The following BTAF1 variants were observed in gnomAD, a reference collection of about 807,000 sequenced individuals.
The protein encoded by BTAF1 is TATA-binding protein-associated factor 172.
A neutral mutation model predicts 227.1 loss-of-function variants in BTAF1; 38 were observed. The ratio of observed to expected loss-of-function variants is 0.17; its 90% CI spans 0.13 to 0.22. The LOEUF (loss-of-function observed/expected upper bound fraction) is 0.22, where lower values mean the gene tolerates loss of function less well. BTAF1 is among the 10% of genes least tolerant of loss of function. The probability of loss-of-function intolerance (pLI) is 1.00; values close to 1 mark genes in which losing one functional copy is unlikely to be tolerated. For synonymous variants in BTAF1, 742 were observed against 751.9 expected (o/e 0.99, Z 0.21); for missense variants, 1,598 against 2,204.0 (o/e 0.73, Z 5.51).
intron 6 of BTAF1, among the ~76,000 whole-genome samples, chr10:91,955,479 C>T (rs1170179328): frequency 1.3e-5 from 2 of 151,632 alleles, no homozygotes; most frequent in East Asian, 1.9e-4. Flanking sequence ...TAATGTTAAG[C>T]GTTAAGGAAA....
At chr10:91,997,153 C>T in intron 24 of BTAF1, 1 of 1,288,958 alleles carries the variant, frequency 7.8e-7, no homozygotes, top group Non-Finnish European at 1.0e-6. Context: ...CTGAAGATTA[C>T]AGGAGAACTG....
chr10:91,983,783 T>C (rs1321571982), intron 18 of BTAF1, among the ~76,000 whole-genome samples: 1 of 152,216 alleles, frequency 6.6e-6, no homozygotes, highest in Non-Finnish European at 1.5e-5. Context: ...CTTTTAAAAT[T>C]TATATCCACT....
At chr10:91,939,050 T>A (rs1844831403) in intron 2 of BTAF1, among the ~76,000 whole-genome samples, 1 of 152,068 alleles carries the variant, frequency 6.6e-6, no homozygotes, top group African/African-American at 2.4e-5. Context: ...AGTATATTAC[T>A]GTTGTAACAA....
chr10:91,932,123 T>C (rs1173495888), intron 1 of BTAF1, among the ~76,000 whole-genome samples: 1 of 152,104 alleles, frequency 6.6e-6, no homozygotes, highest in African/African-American at 2.4e-5. Flanking sequence ...TATCAGCAAT[T>C]AGGTTAGAGA....
chr10:91,929,189 T>C (rs1366670464), intron 1 of BTAF1, among the ~76,000 whole-genome samples: 3 of 152,196 alleles, frequency 2.0e-5, no homozygotes, highest in Non-Finnish European at 4.4e-5. Context: ...ACAGCTTGTT[T>C]TTGCTACCTT....
intron 4 of BTAF1, among the ~76,000 whole-genome samples, chr10:91,945,434 C>A (rs992237779): frequency 6.6e-6 from 1 of 152,056 alleles, no homozygotes; most frequent in Non-Finnish European, 1.5e-5. Flanking sequence ...ACCTATTAAA[C>A]GTCAAATCCC....
chr10:91,969,735 G>A (rs955384386), intron 14 of BTAF1, among the ~76,000 whole-genome samples: 3 of 152,052 alleles, frequency 2.0e-5, no homozygotes, highest in Non-Finnish European at 2.9e-5. Context: ...AGGCTGAGGC[G>A]GGCGGATCAC....
At chr10:92,024,407 G>C (rs758009346) in intron 34 of BTAF1, among the ~76,000 whole-genome samples, 1 of 152,118 alleles carries the variant, frequency 6.6e-6, no homozygotes, top group Non-Finnish European at 1.5e-5. Context: ...CTTCTGGGCC[G>C]GGTGTGGTGG....
chr10:91,980,286 G>A (rs1847974120), intron 14 of BTAF1, among the ~76,000 whole-genome samples, 168 bp from the exon 15 acceptor site: 1 of 152,102 alleles, frequency 6.6e-6, no homozygotes, highest in Admixed American at 6.5e-5. Context: ...AATAAATATG[G>A]TGTTGTTGCC....
intron 2 of BTAF1, among the ~76,000 whole-genome samples, chr10:91,937,338 A>G (rs888179448): frequency 6.6e-6 from 1 of 152,064 alleles, no homozygotes; most frequent in African/African-American, 2.4e-5. Flanking sequence ...TTTACATACC[A>G]TGAGTTTCAA....
In BTAF1 at chr10:91,982,683, C is replaced by G. The variant is rs1042441499; in HGVS notation, c.2145C>G (p.Leu715=). Reference sequence around the variant, plus strand: ...CTGAATCCCTGGGCCAGTTACTACTCTTCCATTTGAACTCCAAGTCTGCTT... The same window carrying G: ...CTGAATCCCTGGGCCAGTTACTACTGTTCCATTTGAACTCCAAGTCTGCTT... ...KPAESLGQLL[L]FHLNSKSALQ... The change falls in exon 18 of 38, where the codon CTC becomes CTG. Residue 715 remains leucine (L), a synonymous_variant. Transcript: ENST00000265990. 2 of 1,613,912 alleles carry G rather than the reference C, an allele frequency of 1.2e-6. No individual in the cohort carries two copies. The highest frequency in any genetic ancestry group is 1.3e-5 in the African/African-American group (1 of 75,028).
At chr10:91,970,810 G>A (rs903295798) in intron 14 of BTAF1, among the ~76,000 whole-genome samples, 5 of 152,224 alleles carry the variant, frequency 3.3e-5, no homozygotes, top group African/African-American at 7.2e-5. Flanking sequence ...GTATGTGAGA[G>A]ATGTCAGACA....
chr10:91,947,735 C>CAAAAAA (rs34292341), intron 4 of BTAF1, among the ~76,000 whole-genome samples: 1 of 107,382 alleles, frequency 9.3e-6, no homozygotes, highest in Non-Finnish European at 1.7e-5. Context: ...TCAATGTTTG[C>CAAAAAA]AAAAAAAAAA....
chr10:92,021,427 G>A (rs79654880), intron 34 of BTAF1, among the ~76,000 whole-genome samples: 2 of 152,248 alleles, frequency 1.3e-5, no homozygotes, highest in East Asian at 3.9e-4. Flanking sequence ...TTAGTTGCCA[G>A]TAAATAAAAC....
chr10:91,966,721 G>A lies in BTAF1; in HGVS notation c.1614G>A (p.Leu538=). The change falls in exon 14 of 38, where the codon TTG becomes TTA. Residue 538 remains leucine, a synonymous_variant. Transcript: ENST00000265990. ...HTISSVRRAA[L]ETLFTLLSTQ... ...TATCATCAGTTCGAAGAGCAGCATT[G>A]GAAACTCTGTTTACGTTATTATCAA... is the stretch of plus-strand genomic sequence containing the variant. The A allele has an allele frequency of 6.2e-7, 1 of 1,613,864 alleles. No homozygotes were observed. The highest frequency in any genetic ancestry group is 8.5e-7 in the Non-Finnish European group (1 of 1,179,894).
intron 11 of BTAF1, among the ~76,000 whole-genome samples, chr10:91,961,874 CT>C (rs1248495157): frequency 2.6e-5 from 4 of 151,886 alleles, no homozygotes; most frequent in African/African-American, 9.7e-5. Context: ...TCTCATTTTC[CT>C]TTTGGTTGTC....
chr10:92,018,811 A>G lies in BTAF1; in HGVS notation c.4739A>G (p.Asn1580Ser), dbSNP rs1018605289. ...QALQYLRKLCNHPALVLTPQH... is the reference protein window; with the variant it reads ...QALQYLRKLCSHPALVLTPQH... Reference sequence around the variant, plus strand: ...TTACAGTACTTACGTAAACTGTGCAACCATCCAGCATTAGTCTTAACACCT... The same window carrying G: ...TTACAGTACTTACGTAAACTGTGCAGCCATCCAGCATTAGTCTTAACACCT... Residue 1580 changes from asparagine (N) to serine (S), a missense_variant, in exon 34 of 38, where the codon AAC becomes AGC. Physicochemically the swap from Asn to Ser is conservative, Grantham distance 46. Coordinates refer to ENST00000265990, the MANE Select transcript of BTAF1 (RefSeq NM_003972.3). 13 of 1,596,424 alleles carry G rather than the reference A, an allele frequency of 8.1e-6. No homozygotes were observed. The highest frequency in any genetic ancestry group is 1.0e-5 in the Non-Finnish European group (12 of 1,174,906).
chr10:91,935,894 CT>C (rs944210078), intron 2 of BTAF1, 114 bp downstream of exon 2: 3,178 of 856,452 alleles, frequency 3.7e-3, no homozygotes, highest in South Asian at 6.2e-3. Flanking sequence ...TTTGCTATTT[CT>C]TTTTTTTTTC....
In BTAF1 at chr10:92,011,432, ATT is replaced by A; in HGVS notation, c.4311+24_4311+25del. 8.8e-7 allele frequency: 1 copy of A among 1,136,166 alleles called. No homozygotes were observed. The highest frequency in any genetic ancestry group is 1.1e-6 in the Non-Finnish European group (1 of 873,448). 70.4% of individuals were successfully genotyped at this position (1,136,166 alleles called of 1,614,324 possible). On this transcript the variant is annotated intron_variant, in intron 30 of 37. Transcript: ENST00000265990. Reference sequence around the variant, plus strand: ...CCAATCCAGGTAATTATTTATTATTATTTTTTTTAATTATTTTTATTTTTATT... The same window carrying A: ...CCAATCCAGGTAATTATTTATTATTATTTTTTAATTATTTTTATTTTTATT...
Sources: allele counts gnomAD v4.1 joint callset (sites outside exome capture counted in the v4.1 genomes callset), GRCh38; gene constraint gnomAD v4.1.1; transcripts MANE v1.5; gene names NCBI Gene and HGNC (gene_info 2026-07-23, HGNC 2026-07-21).